The following SPMIP4 variants were observed in gnomAD, a reference collection of about 807,000 sequenced individuals.
SPMIP4 encodes sperm microtubule inner protein 4, also known as sperm-associated microtubule inner protein 4.
At chr7:25,158,394 G>GT in the SPMIP4 span, 1 of 501,374 alleles carries the variant, frequency 2.0e-6, no homozygotes, top group Non-Finnish European at 3.4e-6. Context: ...AAAAAGAAAC[G>GT]TTTTCATGGG....
At chr7:25,126,513 GACA>G in the SPMIP4 span, among the ~76,000 whole-genome samples, 2 of 152,190 alleles carry the variant, frequency 1.3e-5, no homozygotes, top group African/African-American at 4.8e-5. Flanking sequence ...TTAAACTGAT[GACA>G]ACATAACATT....
the SPMIP4 span, chr7:25,135,049 T>G: frequency 3.4e-6 from 2 of 584,466 alleles, no homozygotes; most frequent in Non-Finnish European, 4.3e-6. Context: ...CACAAAATAC[T>G]TAAAGAAATT....
chr7:25,160,001 T>A, the SPMIP4 span, among the ~76,000 whole-genome samples: 265 of 148,120 alleles, frequency 1.8e-3, 1 homozygote, highest in East Asian at 0.011. Context: ...AAAAAAAAAA[T>A]AAATTTAAAA....
At chr7:25,141,478 A>G in the SPMIP4 span, among the ~76,000 whole-genome samples, 2 of 149,394 alleles carry the variant, frequency 1.3e-5, no homozygotes, top group South Asian at 2.2e-4. Context: ...AGGCTGAGGC[A>G]TGAGAATCGC....
chr7:25,132,218 T>C, the SPMIP4 span, among the ~76,000 whole-genome samples: 1 of 152,158 alleles, frequency 6.6e-6, no homozygotes, highest in Non-Finnish European at 1.5e-5. The surrounding 1 kb of genome is among the most constrained non-coding windows in gnomAD (Gnocchi z 5.0). Flanking sequence ...CTAATTAGCA[T>C]TTTAGTGAGC....
the SPMIP4 span, among the ~76,000 whole-genome samples, chr7:25,169,279 A>G: frequency 6.6e-6 from 1 of 152,068 alleles, no homozygotes; most frequent in Non-Finnish European, 1.5e-5. Flanking sequence ...AATGGCTTTA[A>G]AGTTTATTCA....
At chr7:25,155,325 AGTGAGTCAATGTCCCT>A in the SPMIP4 span, 1 of 647,680 alleles carries the variant, frequency 1.5e-6, no homozygotes, top group Non-Finnish European at 2.5e-6. Context: ...GGGATAGGAC[AGTGAGTCAATGTCCCT>A]GTGCTCATGG....
chr7:25,161,762 A>AT, the SPMIP4 span, among the ~76,000 whole-genome samples: 3 of 92,192 alleles, frequency 3.3e-5, no homozygotes, highest in African/African-American at 1.1e-4. Flanking sequence ...GCCAGGATGT[A>AT]TTTTTTAATA....
At chr7:25,135,212 T>G in the SPMIP4 span, 6 of 602,840 alleles carry the variant, frequency 1.0e-5, no homozygotes, top group Non-Finnish European at 1.2e-5. Flanking sequence ...AAGCCATCCT[T>G]TCTTGCTATA....
the SPMIP4 span, among the ~76,000 whole-genome samples, chr7:25,178,903 T>A: frequency 1.3e-5 from 2 of 152,110 alleles, no homozygotes; most frequent in Non-Finnish European, 2.9e-5. Context: ...TAGCTGGGCA[T>A]GGTGGTGCAT....
chr7:25,154,840 C>T, the SPMIP4 span, among the ~76,000 whole-genome samples: 81 of 152,242 alleles, frequency 5.3e-4, no homozygotes, highest in African/African-American at 1.9e-3. Flanking sequence ...TTTGATGGGT[C>T]CATGGTGGCG....
At chr7:25,127,639 TTC>T in the SPMIP4 span, among the ~76,000 whole-genome samples, 4 of 152,200 alleles carry the variant, frequency 2.6e-5, no homozygotes, top group African/African-American at 9.7e-5. Context: ...CTATTTTGAA[TTC>T]TCTGTTTGAA....
the SPMIP4 span, chr7:25,142,710 G>C: frequency 6.2e-7 from 1 of 1,612,982 alleles, no homozygotes; most frequent in South Asian, 1.1e-5. Flanking sequence ...TGGCTTCTTT[G>C]GCAGAGCAAA....
the SPMIP4 span, among the ~76,000 whole-genome samples, chr7:25,127,481 C>T: frequency 6.6e-6 from 1 of 152,180 alleles, no homozygotes; most frequent in African/African-American, 2.4e-5. Context: ...TAAGGGACTG[C>T]ATTTTTTAGT....
At chr7:25,158,744 C>A in the SPMIP4 span, among the ~76,000 whole-genome samples, 6 of 150,404 alleles carry the variant, frequency 4.0e-5, no homozygotes, top group Non-Finnish European at 5.9e-5. Context: ...CCAAAAATAC[C>A]AAAAATACAA....
chr7:25,139,241 G>A, the SPMIP4 span, among the ~76,000 whole-genome samples: 1 of 152,058 alleles, frequency 6.6e-6, no homozygotes, highest in East Asian at 1.9e-4. Context: ...GTATACTAAT[G>A]TCTGCAATTT....
chr7:25,141,112 CTTGA>C, the SPMIP4 span, among the ~76,000 whole-genome samples: 3 of 152,134 alleles, frequency 2.0e-5, no homozygotes, highest in Admixed American at 6.5e-5. Context: ...CATTAAAGGG[CTTGA>C]TTATTTCTTC....
chr7:25,135,904 G>A, the SPMIP4 span: 7 of 1,509,976 alleles, frequency 4.6e-6, no homozygotes, highest in Admixed American at 2.3e-5. Flanking sequence ...CCAGCAATAC[G>A]AAGGAAATTC....
the SPMIP4 span, among the ~76,000 whole-genome samples, chr7:25,130,208 C>T: frequency 1.3e-4 from 20 of 151,224 alleles, no homozygotes; most frequent in South Asian, 2.1e-4. Context: ...CACTGCACTG[C>T]GCTCCAACCT....
Sources: allele counts gnomAD v4.1 joint callset (sites outside exome capture counted in the v4.1 genomes callset), GRCh38; gene constraint gnomAD v4.1.1; non-coding constraint Gnocchi (gnomAD v3.1); transcripts MANE v1.5; gene names NCBI Gene and HGNC (gene_info 2026-07-23, HGNC 2026-07-21).